The following DOCK1 variants were observed in gnomAD, a reference collection of about 807,000 sequenced individuals.
DOCK1 encodes dedicator of cytokinesis 1, also known as dedicator of cytokinesis protein 1.
DOCK1 carries 138 observed loss-of-function variants against 262.7 expected under a neutral mutation model. That is an observed-to-expected ratio of 0.53 (90% CI 0.46 to 0.61). The LOEUF (loss-of-function observed/expected upper bound fraction) is 0.61. DOCK1 is among the 20% of genes least tolerant of loss of function. The pLI, the probability that DOCK1 is intolerant of heterozygous loss-of-function variation, is 0.00. For missense variants in DOCK1, 1,908 were observed against 2,370.7 expected, an observed-to-expected ratio of 0.80 and a Z score of 4.05; for synonymous variants, 866 against 867.4, an observed-to-expected ratio of 1.00 and a Z score of 0.03.
chr10:127,227,847 A>G (rs981373549), intron 27 of DOCK1, among the ~76,000 whole-genome samples: 1 of 152,188 alleles, frequency 6.6e-6, no homozygotes. Context: ...ACACTGGCTC[A>G]GACAGTCAAA....
chr10:127,383,341 T>C (rs1431842918), intron 37 of DOCK1, among the ~76,000 whole-genome samples: 1 of 152,254 alleles, frequency 6.6e-6, no homozygotes, highest in Non-Finnish European at 1.5e-5. Context: ...ATTTGGATTC[T>C]GAACTTGCTT....
chr10:127,038,408 G>A (rs1022286027), intron 19 of DOCK1, among the ~76,000 whole-genome samples: 5 of 152,150 alleles, frequency 3.3e-5, no homozygotes, highest in Non-Finnish European at 7.3e-5. Context: ...ACTCACAACA[G>A]TTCAGTGACC....
At chr10:126,970,842 T>G in intron 2 of DOCK1, 57 bp downstream of exon 2, 3 of 1,567,550 alleles carry the variant, frequency 1.9e-6, no homozygotes, top group Non-Finnish European at 2.6e-6. Context: ...GCACACCTTC[T>G]CAGTGCCTGC....
chr10:127,358,194 A>G (rs765669402), intron 32 of DOCK1, among the ~76,000 whole-genome samples: 58 of 152,116 alleles, frequency 3.8e-4, no homozygotes, highest in Non-Finnish European at 7.8e-4. Flanking sequence ...TCTTTCCAAT[A>G]GTATGCATGG....
At chr10:127,162,976 C>T (rs541468506) in intron 27 of DOCK1, among the ~76,000 whole-genome samples, 2 of 152,304 alleles carry the variant, frequency 1.3e-5, no homozygotes, top group South Asian at 4.1e-4. Flanking sequence ...GCACTCCTTC[C>T]ATGGGACTGT....
In DOCK1 at chr10:127,125,492, T is replaced by C; in HGVS notation, c.2642T>C (p.Leu881Pro). The change falls in exon 26 of 52, where the codon CTT (leucine) becomes CCT (proline). Residue 881 changes from leucine (L) to proline (P), a missense_variant. Coordinates refer to ENST00000623213, the MANE Select transcript of DOCK1 (RefSeq NM_001290223.2). ...TGTGTAGACTGCAGAGAGATCCTGC[T>C]TCCCATGATGACCGATCAGCTCAAG... ...FTQHDCREIL[L>P]PMMTDQLKYH... 6.2e-7 allele frequency: 1 copy of C among 1,613,460 alleles called. No individual in the cohort carries two copies. The highest frequency in any genetic ancestry group is 8.5e-7 in the Non-Finnish European group (1 of 1,179,830).
intron 29 of DOCK1, among the ~76,000 whole-genome samples, chr10:127,270,874 C>T (rs913468263): frequency 6.6e-6 from 1 of 152,132 alleles, no homozygotes; most frequent in Admixed American, 6.5e-5. Flanking sequence ...GTGTTAAACT[C>T]GCCTTTCCTT....
intron 34 of DOCK1, 41 bp downstream of exon 34, chr10:127,373,907 C>T: frequency 6.4e-7 from 1 of 1,571,294 alleles, no homozygotes; most frequent in Non-Finnish European, 8.7e-7. Context: ...CTGAGAGATA[C>T]AGAGACAGAG....
intron 33 of DOCK1, among the ~76,000 whole-genome samples, chr10:127,362,905 A>C (rs375183673): frequency 3.5e-5 from 1 of 28,858 alleles, no homozygotes; most frequent in Admixed American, 3.9e-4. Flanking sequence ...ACACATGTAC[A>C]TCTCCACACA....
At chr10:126,910,972 T>A (rs1249126596) in intron 1 of DOCK1, among the ~76,000 whole-genome samples, 6 of 152,196 alleles carry the variant, frequency 3.9e-5, no homozygotes, top group Non-Finnish European at 8.8e-5. Context: ...GAAGGACATC[T>A]GAGTTTGGCT....
chr10:127,152,319 A>G (rs1283119601), intron 27 of DOCK1, among the ~76,000 whole-genome samples: 1 of 152,230 alleles, frequency 6.6e-6, no homozygotes, highest in Non-Finnish European at 1.5e-5. Context: ...CCCATTAAGC[A>G]AACTTCTCTG....
intron 22 of DOCK1, 137 bp from the exon 23 acceptor site, chr10:127,061,531 T>C (rs1424893283): frequency 1.3e-6 from 1 of 740,936 alleles, no homozygotes; most frequent in African/African-American, 1.8e-5. Flanking sequence ...TTACCTTCCT[T>C]GCTTCATAGA....
At chr10:126,991,062 CACAA>C (rs1331673750) in intron 6 of DOCK1, among the ~76,000 whole-genome samples, 1 of 152,204 alleles carries the variant, frequency 6.6e-6, no homozygotes, top group Non-Finnish European at 1.5e-5. Context: ...TGCCAGTTTT[CACAA>C]ACAGAAATAC....
At chr10:126,966,171 T>C (rs2037661711) in intron 1 of DOCK1, among the ~76,000 whole-genome samples, 1 of 152,236 alleles carries the variant, frequency 6.6e-6, no homozygotes. Context: ...ATTCCATCCA[T>C]GTTGTTGGGA....
At chr10:127,227,193 C>T (rs1254856845) in intron 27 of DOCK1, among the ~76,000 whole-genome samples, 3 of 152,208 alleles carry the variant, frequency 2.0e-5, no homozygotes, top group Non-Finnish European at 4.4e-5. Context: ...TGATGCCTGC[C>T]TGTAGTCTTC....
intron 1 of DOCK1, among the ~76,000 whole-genome samples, chr10:126,960,415 C>A (rs1478403818): frequency 6.6e-6 from 1 of 151,418 alleles, no homozygotes; most frequent in African/African-American, 2.4e-5. Context: ...GCACGGACAG[C>A]AGTGAGCAGT....
chr10:127,062,142 T>C (rs1317565333), intron 23 of DOCK1, among the ~76,000 whole-genome samples: 3 of 152,080 alleles, frequency 2.0e-5, no homozygotes, highest in South Asian at 4.1e-4. Context: ...TTTCACCATA[T>C]TGGTCAGGCT....
At chr10:126,942,347 TTTG>T (rs1325642556) in intron 1 of DOCK1, among the ~76,000 whole-genome samples, 2 of 152,172 alleles carry the variant, frequency 1.3e-5, no homozygotes, top group East Asian at 3.9e-4. Context: ...TTCTGAGTGT[TTTG>T]TGAGTCCTGA....
At chr10:127,236,687 T>C (rs116300836) in intron 27 of DOCK1, among the ~76,000 whole-genome samples, 462 of 152,076 alleles carry the variant, frequency 3.0e-3, no homozygotes, top group African/African-American at 0.011. Context: ...TTAGGTCTTA[T>C]TTGACTCCCG....
Sources: allele counts gnomAD v4.1 joint callset (sites outside exome capture counted in the v4.1 genomes callset), GRCh38; gene constraint gnomAD v4.1.1; transcripts MANE v1.5; gene names NCBI Gene and HGNC (gene_info 2026-07-23, HGNC 2026-07-21).